MCC: variants seen among roughly 807,000 people sequenced by gnomAD.
MCC encodes the protein colorectal mutant cancer protein.
In MCC, 90 loss-of-function variants were observed where a neutral mutation model predicts 116.2. The observed-to-expected ratio is 0.77, with a 90% CI of 0.65 to 0.92. The LOEUF is 0.92. MCC is among the 40% of genes least tolerant of loss of function. The probability of loss-of-function intolerance (pLI) is 0.00; values close to 1 mark genes in which losing one functional copy is unlikely to be tolerated. For synonymous variants in MCC, 578 were observed against 510.5 expected, an observed-to-expected ratio of 1.13 and a Z score of -1.78; for missense variants, 1,516 against 1,312.2, an observed-to-expected ratio of 1.16 and a Z score of -2.40.
chr5:113,137,656 TTTG>T (rs969657876), intron 5 of MCC, among the ~76,000 whole-genome samples: 23 of 152,106 alleles, frequency 1.5e-4, no homozygotes, highest in Non-Finnish European at 2.9e-4. Flanking sequence ...AACTGGTGCT[TTTG>T]TTGTTGTTGT....
chr5:113,266,033 A>G (rs183342885), intron 3 of MCC, among the ~76,000 whole-genome samples: 13 of 152,328 alleles, frequency 8.5e-5, no homozygotes, highest in South Asian at 2.1e-4. Context: ...GACAAGGCTA[A>G]TAAGACCCTC....
At chr5:113,288,147 C>G (rs936487657) in intron 3 of MCC, among the ~76,000 whole-genome samples, 1 of 152,248 alleles carries the variant, frequency 6.6e-6, no homozygotes, top group Non-Finnish European at 1.5e-5. Context: ...TCTGCAAGAC[C>G]TGGCTGTCAG....
intron 1 of MCC, among the ~76,000 whole-genome samples, chr5:113,389,879 A>G (rs1769361843): frequency 6.6e-6 from 1 of 152,162 alleles, no homozygotes; most frequent in Admixed American, 6.5e-5. Context: ...TTCCCACATA[A>G]TGCAGCACAT....
intron 3 of MCC, among the ~76,000 whole-genome samples, chr5:113,309,119 A>G (rs751561286): frequency 2.8e-4 from 42 of 152,222 alleles, no homozygotes; most frequent in Admixed American, 1.7e-3. Context: ...AGAATTTCCT[A>G]ACAGAATTTG....
At chr5:113,164,686 C>A (rs768370398) in intron 3 of MCC, among the ~76,000 whole-genome samples, 1 of 152,208 alleles carries the variant, frequency 6.6e-6, no homozygotes, top group African/African-American at 2.4e-5. Flanking sequence ...GTACTTGAAA[C>A]CACAAACTTC....
intron 3 of MCC, chr5:113,294,721 C>G: frequency 9.9e-7 from 1 of 1,007,046 alleles, no homozygotes; most frequent in Non-Finnish European, 1.2e-6. Flanking sequence ...CGCCTCGCCA[C>G]TCCTACGGTG....
intron 6 of MCC, among the ~76,000 whole-genome samples, chr5:113,110,965 C>A (rs1757057184): frequency 6.6e-6 from 1 of 152,192 alleles, no homozygotes; most frequent in Admixed American, 6.5e-5. Context: ...ACTCAGCACG[C>A]CCAACCCACA....
chr5:113,039,711 G>GC (rs61635777), intron 17 of MCC, among the ~76,000 whole-genome samples: 1,931 of 52,164 alleles, frequency 0.037, 77 homozygotes, highest in African/African-American at 0.11. Flanking sequence ...CCCACTCCGC[G>GC]CCCCCCCCCC....
chr5:113,220,202 C>T (rs1450074197), intron 3 of MCC, among the ~76,000 whole-genome samples: 4 of 139,160 alleles, frequency 2.9e-5, no homozygotes, highest in Non-Finnish European at 3.2e-5. Context: ...GGATTACAGG[C>T]GCCCGCCACC....
chr5:113,399,213 C>T lies in MCC; in HGVS notation c.171-14001G>A, dbSNP rs181709249. ...TAAAATGTCAGTTATTGGCCAGGTG[C>T]GGTGGCTCACGCCTGTAATCCCAGC... On this transcript the variant is annotated intron_variant, in intron 1 of 18. Transcript: ENST00000408903. 4.9e-3 allele frequency among the ~76,000 whole-genome samples: 742 copies of T among 152,268 alleles called. 9 individuals are homozygous for T. The highest frequency in any genetic ancestry group is 0.017 in the African/African-American group (707 of 41,550).
At chr5:113,062,212 TG>T (rs1315246508) in intron 14 of MCC, among the ~76,000 whole-genome samples, 9 of 152,222 alleles carry the variant, frequency 5.9e-5, no homozygotes, top group Non-Finnish European at 8.8e-5. Context: ...AGGTTATCCT[TG>T]GAAACAATGA....
intron 1 of MCC, among the ~76,000 whole-genome samples, chr5:113,448,728 C>T (rs766208686): frequency 6.6e-6 from 1 of 152,086 alleles, no homozygotes; most frequent in African/African-American, 2.4e-5. Flanking sequence ...CCCGGAATTA[C>T]AAAATCATCA....
At chr5:113,208,528 C>A (rs768308475) in intron 3 of MCC, among the ~76,000 whole-genome samples, 2 of 152,024 alleles carry the variant, frequency 1.3e-5, no homozygotes, top group African/African-American at 4.8e-5. Flanking sequence ...CTTTCTTTCT[C>A]AAAGAACTAG....
At chr5:113,439,616 T>A (rs926307444) in intron 1 of MCC, among the ~76,000 whole-genome samples, 1 of 152,174 alleles carries the variant, frequency 6.6e-6, no homozygotes, top group African/African-American at 2.4e-5. Flanking sequence ...TAGAGACTCA[T>A]GTCACTGAAG....
chr5:113,379,279 TCA>T (rs1417068908), intron 2 of MCC, among the ~76,000 whole-genome samples: 2 of 152,242 alleles, frequency 1.3e-5, no homozygotes, highest in African/African-American at 2.4e-5. Context: ...GCTTACAGCC[TCA>T]GTTTCCTCCT....
intron 2 of MCC, among the ~76,000 whole-genome samples, chr5:113,343,718 C>T (rs1173277130): frequency 6.6e-6 from 1 of 152,200 alleles, no homozygotes; most frequent in Non-Finnish European, 1.5e-5. Flanking sequence ...GCTGAATTAT[C>T]CATGGTTGTA....
In MCC at chr5:113,050,960, T is replaced by G. The variant is rs76732088; in HGVS notation, c.2449-1661A>C. Reference sequence around the variant, plus strand: ...GGCTGCCCATAAGACACTAGGAAACTTCCTTTCTGGAGATGTGACAAGTAA... The same window carrying G: ...GGCTGCCCATAAGACACTAGGAAACGTCCTTTCTGGAGATGTGACAAGTAA... On this transcript the variant is annotated intron_variant, in intron 15 of 18. Transcript: ENST00000408903. Among the ~76,000 whole-genome samples, 155 of 152,326 alleles carry G rather than the reference T, an allele frequency of 1.0e-3. 1 individual carries two copies. The highest frequency in any genetic ancestry group is 1.9e-3 in the Non-Finnish European group (129 of 68,022).
intron 1 of MCC, among the ~76,000 whole-genome samples, chr5:113,408,760 G>T (rs1769902893): frequency 6.6e-6 from 1 of 152,162 alleles, no homozygotes; most frequent in Non-Finnish European, 1.5e-5. Flanking sequence ...ATGAATATTG[G>T]TTGTTTTGGG....
At chr5:113,069,833 G>T (rs901302238) in intron 12 of MCC, among the ~76,000 whole-genome samples, 1 of 152,140 alleles carries the variant, frequency 6.6e-6, no homozygotes, top group Admixed American at 6.5e-5. Context: ...TGATCCGCCC[G>T]CCTCGGCCTC....
Sources: allele counts gnomAD v4.1 joint callset (sites outside exome capture counted in the v4.1 genomes callset), GRCh38; gene constraint gnomAD v4.1.1; transcripts MANE v1.5; gene names NCBI Gene and HGNC (gene_info 2026-07-23, HGNC 2026-07-21).